Variants in SYTL2 observed in about 807,000 individuals in gnomAD.
The protein encoded by SYTL2 is synaptotagmin like 2, also known as synaptotagmin-like protein 2.
SYTL2 carries 165 observed loss-of-function variants against 198.7 expected under a neutral mutation model. That is an observed-to-expected ratio of 0.83 (90% CI 0.73 to 0.94). The LOEUF (loss-of-function observed/expected upper bound fraction) is 0.94. Among genes scored for constraint, SYTL2 ranks in the 40% least tolerant of loss-of-function variants. The pLI, the probability that SYTL2 is intolerant of heterozygous loss-of-function variation, is 0.00. For synonymous variants in SYTL2, 966 were observed against 917.7 expected (o/e 1.05, Z -0.95); for missense variants, 2,835 against 2,582.8 (o/e 1.10, Z -2.12).
At chr11:85,709,289 T>G in intron 14 of SYTL2, 42 bp downstream of exon 14, 3 of 1,589,170 alleles carry the variant, frequency 1.9e-6, no homozygotes, top group Non-Finnish European at 1.7e-6. Flanking sequence ...GATTGACAGT[T>G]GGAGAACTAA....
chr11:85,788,941 C>A (rs920608979), intron 1 of SYTL2, among the ~76,000 whole-genome samples: 2 of 151,042 alleles, frequency 1.3e-5, no homozygotes, highest in African/African-American at 4.9e-5. Context: ...AAGCAACGGT[C>A]TCAAAAATAG....
Position 85,787,910 on chromosome 11 carries a change from G to C in SYTL2, c.-390+23044C>G, listed in dbSNP as rs897455465. 7.2e-5 allele frequency among the ~76,000 whole-genome samples: 11 copies of C among 152,128 alleles called. No individual in the cohort carries two copies. The East Asian group carries it at 1.4e-3, about 19-fold the overall frequency. On this transcript the variant is annotated intron_variant, in intron 1 of 19. Transcript: ENST00000359152. The stretch of plus-strand genomic sequence containing the variant: ...GAAATATCTACTGCTTCCTTCTCAG[G>C]GCTGGGAATGCCCTAGTCTGTTCTT...
chr11:85,749,548 C>A (rs1378998960), intron 2 of SYTL2, among the ~76,000 whole-genome samples: 1 of 152,110 alleles, frequency 6.6e-6, no homozygotes, highest in Non-Finnish European at 1.5e-5. Flanking sequence ...AAGAATGTCT[C>A]CTCTCTCCCA....
Position 85,727,067 on chromosome 11 carries a change from G to C in SYTL2, c.2291C>G (p.Pro764Arg), listed in dbSNP as rs1440342376. Residue 764 changes from proline (P) to arginine (R), a missense_variant, in exon 8 of 20, where the codon CCT becomes CGT. Transcript: ENST00000359152. Reference protein sequence around the residue: ...STPGVANNGSPWKKPEVQFQQ... With the variant: ...STPGVANNGSRWKKPEVQFQQ... ...GAATTGGACCTCAGGCTTCTTCCAA[G>C]GAGAGCCATTGTTGGCAACCCCAGG... 1 of 1,536,152 alleles carries C rather than the reference G, an allele frequency of 6.5e-7. No individual in the cohort carries two copies. Among genetic ancestry groups the C allele is most frequent in the Admixed American group, 2.0e-5 (1 of 50,976 alleles).
chr11:85,836,827 TAC>T, the SYTL2 span, among the ~76,000 whole-genome samples: 2 of 151,496 alleles, frequency 1.3e-5, no homozygotes, highest in African/African-American at 2.4e-5. Context: ...GAAATGTGTA[TAC>T]ACACACACAC....
intron 4 of SYTL2, 143 bp from the exon 5 acceptor site, chr11:85,737,799 C>A (rs1419080639): frequency 8.7e-6 from 6 of 691,154 alleles, no homozygotes; most frequent in Non-Finnish European, 1.5e-5. Flanking sequence ...AGAATTATTC[C>A]CTATCCCAGG....
At chr11:85,841,707 A>G in the SYTL2 span, among the ~76,000 whole-genome samples, 1 of 152,188 alleles carries the variant, frequency 6.6e-6, no homozygotes, top group African/African-American at 2.4e-5. Context: ...ATGAGGAAAA[A>G]TAACTAACGG....
At chr11:85,704,045 G>C (rs2084753268) in intron 16 of SYTL2, among the ~76,000 whole-genome samples, 1 of 151,858 alleles carries the variant, frequency 6.6e-6, no homozygotes, top group Non-Finnish European at 1.5e-5. Flanking sequence ...ACTAGATTTG[G>C]ACCCAAATAC....
chr11:85,728,769 A>G (rs1311652097), intron 7 of SYTL2, among the ~76,000 whole-genome samples: 2 of 152,208 alleles, frequency 1.3e-5, no homozygotes, highest in East Asian at 3.8e-4. Context: ...AGGAGTTAGA[A>G]AAATAACTTT....
At chr11:85,844,033 G>A in the SYTL2 span, among the ~76,000 whole-genome samples, 2 of 152,160 alleles carry the variant, frequency 1.3e-5, no homozygotes, top group African/African-American at 4.8e-5. Context: ...GCATTCGATA[G>A]AAGAAGGATT....
intron 2 of SYTL2, among the ~76,000 whole-genome samples, chr11:85,749,890 A>C (rs1159945800): frequency 6.6e-6 from 1 of 152,142 alleles, no homozygotes; most frequent in Non-Finnish European, 1.5e-5. Flanking sequence ...TACTCAATAC[A>C]TCTTTGTTTA....
At chr11:85,795,704 T>A (rs928799547) in intron 1 of SYTL2, among the ~76,000 whole-genome samples, 1 of 152,212 alleles carries the variant, frequency 6.6e-6, no homozygotes, top group East Asian at 1.9e-4. Flanking sequence ...ATAAAAATTT[T>A]CACCTTTTTA....
At chr11:85,822,419 C>G in the SYTL2 span, among the ~76,000 whole-genome samples, 1 of 152,212 alleles carries the variant, frequency 6.6e-6, no homozygotes, top group African/African-American at 2.4e-5. Flanking sequence ...GGGCAGAGAA[C>G]CTGTCTTGAA....
At chr11:85,735,849 G>T (rs2090292596) in intron 6 of SYTL2, among the ~76,000 whole-genome samples, 1 of 152,018 alleles carries the variant, frequency 6.6e-6, no homozygotes. Flanking sequence ...AACGTGCCCA[G>T]TGGAAAGTAT....
In SYTL2 at chr11:85,757,696, C is replaced by G; in HGVS notation, c.30G>C (p.Glu10Asp). The G allele has an allele frequency of 6.2e-7, 1 of 1,613,610 alleles. No homozygotes were observed. Among genetic ancestry groups the G allele is most frequent in the East Asian group, 2.2e-5 (1 of 44,890 alleles). The change falls in exon 2 of 20, where the codon GAG (glutamate) becomes GAC (aspartate). Residue 10 changes from glutamate to aspartate, a missense_variant. Coordinates refer to ENST00000359152, the MANE Select transcript of SYTL2 (RefSeq NM_206927.4). ...AAACCTTCATGATGGCCTCTTGTTCCTCTTCAGTCAGGAAGCTTAAGTCAA... is the reference window on the plus strand; with the variant it reads ...AAACCTTCATGATGGCCTCTTGTTCGTCTTCAGTCAGGAAGCTTAAGTCAA... Reference protein sequence around the residue: MIDLSFLTEEEQEAIMKVLQ... With the variant: MIDLSFLTEDEQEAIMKVLQ...
chr11:85,805,681 T>C (rs2092949744), intron 1 of SYTL2, among the ~76,000 whole-genome samples: 1 of 152,210 alleles, frequency 6.6e-6, no homozygotes, highest in South Asian at 2.1e-4. Context: ...ATCCATTCTG[T>C]CAAGACTTAC....
At chr11:85,702,479 C>T (rs1053528670) in intron 16 of SYTL2, among the ~76,000 whole-genome samples, 50 of 152,264 alleles carry the variant, frequency 3.3e-4, no homozygotes, top group African/African-American at 1.0e-3. Context: ...GCCACCGCAC[C>T]CAGCCCCAGA....
At chr11:85,734,814 C>T (rs780713530) in intron 6 of SYTL2, 72 bp from the exon 7 acceptor site, 5 of 1,114,114 alleles carry the variant, frequency 4.5e-6, no homozygotes, top group Non-Finnish European at 6.4e-6. Context: ...CTGTCATAAA[C>T]TTAACCTACA....
At chr11:85,800,735 C>T (rs915468673) in intron 1 of SYTL2, among the ~76,000 whole-genome samples, 12 of 152,192 alleles carry the variant, frequency 7.9e-5, no homozygotes, top group African/African-American at 2.9e-4. Context: ...TCCTCACACA[C>T]CAAGCAAATA....
Sources: gnomAD v4.1 joint callset for allele counts (sites outside exome capture counted in the v4.1 genomes callset) on GRCh38, gnomAD v4.1.1 for gene constraint, MANE v1.5 for transcripts, NCBI Gene and HGNC (gene_info 2026-07-23, HGNC 2026-07-21) for gene names.